Variants in FLT4 observed in about 807,000 individuals in gnomAD.
FLT4 encodes vascular endothelial growth factor receptor 3.
FLT4 carries 30 observed loss-of-function variants against 163.2 expected under a neutral mutation model. The ratio of observed to expected loss-of-function variants is 0.18; its 90% CI spans 0.14 to 0.25. The LOEUF is 0.25. FLT4 is among the 10% of genes least tolerant of loss of function. FLT4 has a pLI of 1.00. For missense variants in FLT4, 1,510 were observed against 1,863.8 expected (o/e 0.81, Z 3.50); for synonymous variants, 884 against 789.5 (o/e 1.12, Z -2.01).
intron 29 of FLT4, chr5:180,607,986 C>A (rs749777049): frequency 9.3e-6 from 6 of 648,186 alleles, no homozygotes; most frequent in African/African-American, 9.0e-5. Flanking sequence ...CATGAAAGGG[C>A]GTCTCCCTTT....
At chr5:180,632,168 C>G (rs964684565) in intron 1 of FLT4, among the ~76,000 whole-genome samples, 1 of 152,072 alleles carries the variant, frequency 6.6e-6, no homozygotes, top group Non-Finnish European at 1.5e-5. Flanking sequence ...GGCCCTCCCT[C>G]CTGAACTGCA....
chr5:180,609,351 G>C, intron 28 of FLT4: 1 of 503,882 alleles, frequency 2.0e-6, no homozygotes, highest in Non-Finnish European at 3.6e-6. Context: ...GGAGCCGTGG[G>C]AGAAGCAGGG....
chr5:180,603,777 G>A (rs573755890), intron 29 of FLT4, among the ~76,000 whole-genome samples: 40 of 152,192 alleles, frequency 2.6e-4, no homozygotes, highest in South Asian at 2.3e-3. Context: ...GGTGGCGGGC[G>A]CCTGTAGTCC....
At chr5:180,616,598 C>A in intron 22 of FLT4, 109 bp from the exon 23 acceptor site, 3 of 1,229,272 alleles carry the variant, frequency 2.4e-6, no homozygotes, top group South Asian at 2.6e-5. Flanking sequence ...GGATGCCCTG[C>A]CTGAACTGTG....
chr5:180,631,673 A>AC lies in FLT4; in HGVS notation c.155+8dup. On this transcript the variant is annotated intron_variant, in intron 2 of 29. Transcript: ENST00000261937. ...TCTCTGGCCTGCCAGTGGGAGAGGG[A>AC]CCCAGTACCTGCAGGAGATGGACAG... 1 of 1,601,966 alleles carries AC rather than the reference A, an allele frequency of 6.2e-7. No homozygotes were observed. The highest frequency in any genetic ancestry group is 8.5e-7 in the Non-Finnish European group (1 of 1,173,658).
rs376922944 is a variant in FLT4, at chr5:180,629,682, G to A, written c.816+14C>T. 9.3e-6 allele frequency: 15 copies of A among 1,609,186 alleles called. No individual in the cohort carries two copies. Among genetic ancestry groups the A allele is most frequent in the South Asian group, 2.2e-5 (2 of 90,330 alleles). On this transcript the variant is annotated intron_variant, in intron 6 of 29. Coordinates refer to ENST00000261937, the MANE Select transcript of FLT4 (RefSeq NM_182925.5). ...CCTGGGGACAGGACAGCCTGGCAGCGCTGCTGACCTCACCTGCTTCCCTGG... is the reference window on the plus strand; with the variant it reads ...CCTGGGGACAGGACAGCCTGGCAGCACTGCTGACCTCACCTGCTTCCCTGG...
At chr5:180,650,087 C>T (rs1765666576), upstream of FLT4, among the ~76,000 whole-genome samples, 1 of 143,444 alleles carries the variant, frequency 7.0e-6, no homozygotes, top group Non-Finnish European at 1.5e-5. Context: ...CTCGGGGGGG[C>T]TGAGGCAGGA....
At chr5:180,609,290 T>C (rs1054406148) in intron 28 of FLT4, 4 of 583,222 alleles carry the variant, frequency 6.9e-6, no homozygotes, top group South Asian at 5.8e-5. Flanking sequence ...GGACGCCTCA[T>C]ACTTGGGGAC....
chr5:180,631,743 A>G lies in FLT4; in HGVS notation c.94T>C (p.Leu32=). The change falls in exon 2 of 30, where the codon TTG becomes CTG. Residue 32 remains leucine, a synonymous_variant. Coordinates refer to ENST00000261937, the MANE Select transcript of FLT4 (RefSeq NM_182925.5). ...ACGTGTGACTCCTCCGTGATGTTCA[A>G]GGTCGGGGGGGTCATGGAGTAGCCA... ...VSGYSMTPPT[L]NITEESHVID... is the part of the protein sequence containing the mutation. The G allele has an allele frequency of 6.2e-7, 1 of 1,610,688 alleles. No homozygotes were observed. Among genetic ancestry groups the G allele is most frequent in the Non-Finnish European group, 8.5e-7 (1 of 1,179,862 alleles).
Position 180,630,522 on chromosome 5 carries a change from C to A in FLT4, c.400+33G>T, listed in dbSNP as rs1246946581. 6.2e-7 allele frequency: 1 copy of A among 1,611,530 alleles called. No individual in the cohort carries two copies. The highest frequency in any genetic ancestry group is 1.3e-5 in the African/African-American group (1 of 74,870). ...GGTGTGGGCCCCAGCTGCCCGGGACCCTGCTCCAGCCTGGCCCGCCTCCAA... is the reference window on the plus strand; with the variant it reads ...GGTGTGGGCCCCAGCTGCCCGGGACACTGCTCCAGCCTGGCCCGCCTCCAA... On this transcript the variant is annotated intron_variant, in intron 3 of 29. Coordinates refer to ENST00000261937, the MANE Select transcript of FLT4 (RefSeq NM_182925.5). This position sits in a 1 kb window ranked among gnomAD's most constrained non-coding sequence, Gnocchi z 6.3.
At position 180,620,794 on chromosome 5, in the gene FLT4, G is replaced by A; in HGVS notation, c.2300-79C>T. On this transcript the variant is annotated intron_variant, in intron 15 of 29. Coordinates refer to ENST00000261937, the MANE Select transcript of FLT4 (RefSeq NM_182925.5). The surrounding 1 kb of genome is among the most constrained non-coding windows in gnomAD (Gnocchi z 4.4). Reference sequence around the variant, plus strand: ...CCTGCAGGCAGCACCCCTTCTGGTGGCCACGACTTGCCCAAGGTGGCCACA... The same window carrying A: ...CCTGCAGGCAGCACCCCTTCTGGTGACCACGACTTGCCCAAGGTGGCCACA... 1.9e-6 allele frequency: 3 copies of A among 1,602,208 alleles called. No individual in the cohort carries two copies. The highest frequency in any genetic ancestry group is 2.2e-5 in the East Asian group (1 of 44,682).
rs550906618 is a variant in FLT4 at position 180,619,766 on chromosome 5, C to T, written c.2546G>A (p.Arg849Lys). The change falls in exon 18 of 30, where the codon AGA becomes AAA. Residue 849 changes from arginine to lysine, a missense_variant. Transcript: ENST00000261937. ...EFPRERLHLG[R>K]VLGYGAFGKV... ...CCCGAAGGCGCCGTAGCCGAGCACT[C>T]TCCCTGTCGGGGCAGGGGGCCAGTT... 414 of 1,611,620 alleles carry T rather than the reference C, an allele frequency of 2.6e-4. 1 individual carries two copies. The South Asian group carries it at 4.4e-3, about 17-fold the overall frequency.
chr5:180,626,775 T>C (rs901865218), intron 8 of FLT4, among the ~76,000 whole-genome samples: 1 of 152,222 alleles, frequency 6.6e-6, no homozygotes, highest in Admixed American at 6.5e-5. Flanking sequence ...CCTTGACATG[T>C]GCGTGGCCCC....
chr5:180,628,753 C>G (rs1228209540), intron 8 of FLT4, 129 bp downstream of exon 8: 2 of 693,048 alleles, frequency 2.9e-6, no homozygotes, highest in Admixed American at 4.4e-5. Flanking sequence ...CTGAGAGAGG[C>G]CCCCGCCATG....
In FLT4 at chr5:180,626,255, C is replaced by T. The variant is rs1052189376; in HGVS notation, c.1114G>A (p.Gly372Arg). Reference sequence around the variant, plus strand: ...CTGTGGCGCCCGGACAGTGCCTTTCCATCCTTGTACCTGGCCAGGGAAGGG... The same window carrying T: ...CTGTGGCGCCCGGACAGTGCCTTTCTATCCTTGTACCTGGCCAGGGAAGGG... ...PPPEFQWYKD[G>R]KALSGRHSPH... Residue 372 changes from glycine (G) to arginine (R), a missense_variant, in exon 9 of 30, where the codon GGA (glycine) becomes AGA (arginine). Physicochemically the swap from Gly to Arg is moderately radical, Grantham distance 125 (BLOSUM62 -2). Around this residue, in one of 5 missense-constraint regions of FLT4, gnomAD observed 878 missense variants for 1,016.7 expected, o/e 0.86. Transcript: ENST00000261937. 1 of 1,612,312 alleles carries T rather than the reference C, an allele frequency of 6.2e-7. No individual in the cohort carries two copies. Among genetic ancestry groups the T allele is most frequent in the African/African-American group, 1.3e-5 (1 of 74,902 alleles).
chr5:180,631,244 T>C (rs112351289), intron 2 of FLT4, among the ~76,000 whole-genome samples: 10,388 of 150,234 alleles, frequency 0.069, 610 homozygotes, highest in African/African-American at 0.15. Flanking sequence ...GAGGCTGAGG[T>C]GGGTGGGTTA....
At chr5:180,641,438 G>C (rs893019691) in intron 1 of FLT4, among the ~76,000 whole-genome samples, 1 of 152,244 alleles carries the variant, frequency 6.6e-6, no homozygotes, top group Non-Finnish European at 1.5e-5. Context: ...GGAAGACGGG[G>C]ACTGTGTGGC....
chr5:180,644,337 G>T (rs865803618), intron 1 of FLT4, among the ~76,000 whole-genome samples: 1 of 152,230 alleles, frequency 6.6e-6, no homozygotes, highest in Non-Finnish European at 1.5e-5. Context: ...CACGCCGGGC[G>T]TGTGGTGGAC....
intron 13 of FLT4, 28 bp downstream of exon 13, chr5:180,621,514 T>C (rs1581651071): frequency 5.0e-6 from 8 of 1,608,708 alleles, no homozygotes; most frequent in Non-Finnish European, 5.9e-6. Flanking sequence ...AGAGAGCGCG[T>C]CCCCGCCCTC....
Sources: gnomAD v4.1 joint callset for allele counts (sites outside exome capture counted in the v4.1 genomes callset) on GRCh38, gnomAD v4.1.1 for gene constraint, gnomAD v4.1.1 regional missense constraint, Gnocchi (gnomAD v3.1) non-coding constraint, MANE v1.5 for transcripts, NCBI Gene and HGNC (gene_info 2026-07-23, HGNC 2026-07-21) for gene names.